Variants in NTRK3 observed in about 807,000 individuals in gnomAD.
NTRK3 encodes the protein neurotrophic receptor tyrosine kinase 3.
Under a neutral mutation model 91.7 loss-of-function variants are expected in NTRK3, and 24 were observed. That is an observed-to-expected ratio of 0.26 (90% CI 0.19 to 0.37). The LOEUF (loss-of-function observed/expected upper bound fraction) is 0.37, where lower values mean the gene tolerates loss of function less well. NTRK3 is among the 10% of genes least tolerant of loss of function. NTRK3 has a pLI of 1.00. For missense variants in NTRK3, 880 were observed against 1,068.9 expected (o/e 0.82, Z 2.46); for synonymous variants, 483 against 404.0 (o/e 1.20, Z -2.34).
chr15:88,076,298 C>G (rs535302232), intron 13 of NTRK3, among the ~76,000 whole-genome samples: 2 of 152,214 alleles, frequency 1.3e-5, no homozygotes, highest in East Asian at 3.9e-4. Flanking sequence ...CTGGAAAACC[C>G]ACTCCCATGA....
At chr15:87,977,826 C>G (rs575197067) in intron 14 of NTRK3, 1 of 232,508 alleles carries the variant, frequency 4.3e-6, no homozygotes, top group Non-Finnish European at 8.5e-6. Context: ...GATCCTGACA[C>G]GAAGAACCAC....
chr15:88,144,747 G>A (rs2042726833), intron 6 of NTRK3, among the ~76,000 whole-genome samples: 1 of 152,126 alleles, frequency 6.6e-6, no homozygotes, highest in South Asian at 2.1e-4. Flanking sequence ...CCAAGGATAA[G>A]ACAGAACCTC....
chr15:88,066,106 C>T (rs543378819), intron 13 of NTRK3, among the ~76,000 whole-genome samples: 2 of 152,204 alleles, frequency 1.3e-5, no homozygotes, highest in Non-Finnish European at 2.9e-5. Flanking sequence ...GGAGAGATAA[C>T]TGTAGCTTGG....
chr15:87,863,705 G>A (rs1245934297), exon 19 of NTRK3: 2 of 227,034 alleles, frequency 8.8e-6, no homozygotes, highest in Non-Finnish European at 1.7e-5. Context: ...ATGCACCATT[G>A]GGGTCTACAG....
exon 19 of NTRK3, chr15:87,868,030 A>T (rs570070886): frequency 4.3e-6 from 1 of 230,910 alleles, no homozygotes; most frequent in Admixed American, 5.6e-5. Flanking sequence ...AGGAAAGATG[A>T]GCTATAGATG....
intron 3 of NTRK3, among the ~76,000 whole-genome samples, chr15:88,194,774 G>A (rs2047682017): frequency 6.6e-6 from 1 of 152,150 alleles, no homozygotes; most frequent in Admixed American, 6.5e-5. Context: ...ACTCCACCAT[G>A]ACCAGCAGGA....
chr15:88,207,083 T>C (rs1025950633), intron 3 of NTRK3, among the ~76,000 whole-genome samples: 6 of 152,170 alleles, frequency 3.9e-5, no homozygotes, highest in South Asian at 4.1e-4. Flanking sequence ...CGCCCCGACA[T>C]TGTGGGTCCA....
intron 13 of NTRK3, among the ~76,000 whole-genome samples, chr15:88,105,919 A>G (rs752845509): frequency 6.6e-5 from 10 of 152,194 alleles, no homozygotes; most frequent in Non-Finnish European, 1.0e-4. Flanking sequence ...AGTTTAAGTG[A>G]CTCACCCAAA....
chr15:87,950,006 C>T (rs2070946531), intron 14 of NTRK3, among the ~76,000 whole-genome samples: 1 of 152,194 alleles, frequency 6.6e-6, no homozygotes, highest in South Asian at 2.1e-4. Flanking sequence ...CACATCCCAC[C>T]TCTCAATCTC....
chr15:88,112,453 A>G (rs1229869228), intron 13 of NTRK3, among the ~76,000 whole-genome samples: 1 of 152,108 alleles, frequency 6.6e-6, no homozygotes, highest in Non-Finnish European at 1.5e-5. Context: ...TTTGCCCTAG[A>G]GTCGGGATGT....
At chr15:87,952,243 AAGAAAGAAAG>A (rs112912724) in intron 14 of NTRK3, among the ~76,000 whole-genome samples, 3,547 of 151,866 alleles carry the variant, frequency 0.023, 127 homozygotes, top group African/African-American at 0.075. Flanking sequence ...AGAAAAGAAA[AAGAAAGAAAG>A]AGAAAGAAAA....
intron 14 of NTRK3, among the ~76,000 whole-genome samples, chr15:88,009,413 CA>C (rs1421383469): frequency 2.0e-5 from 3 of 152,156 alleles, no homozygotes; most frequent in Non-Finnish European, 4.4e-5. Context: ...AAGGGGAACA[CA>C]AGCTCTGGAA....
chr15:88,094,804 G>T (rs2049414310), intron 13 of NTRK3, among the ~76,000 whole-genome samples: 1 of 152,222 alleles, frequency 6.6e-6, no homozygotes, highest in African/African-American at 2.4e-5. Context: ...CCCAGGGAAT[G>T]ACTTAGACAG....
chr15:88,022,452 T>A (rs2077669407), intron 14 of NTRK3, among the ~76,000 whole-genome samples: 1 of 152,226 alleles, frequency 6.6e-6, no homozygotes, highest in African/African-American at 2.4e-5. Context: ...ACAGACTGGA[T>A]GCCTGAATCC....
At position 88,241,862 on chromosome 15, in the gene NTRK3, C is replaced by A. The variant is rs368792073; in HGVS notation, c.248+14044G>T. Among the ~76,000 whole-genome samples the A allele has an allele frequency of 6.6e-6, 1 of 152,148 alleles. No individual in the cohort carries two copies. Among genetic ancestry groups the A allele is most frequent in the South Asian group, 2.1e-4 (1 of 4,816 alleles). ...TGGCCCACCTCCCCTCTCCAGAGGT[C>A]GATTTCCAGGTGCAGGGAGAGGCCA... On this transcript the variant is annotated intron_variant, in intron 3 of 18. Coordinates refer to ENST00000394480, the Ensembl canonical transcript of NTRK3. This position sits in a 1 kb window ranked among gnomAD's most constrained non-coding sequence, Gnocchi z 4.3.
chr15:87,913,426 C>T (rs1361089930), intron 17 of NTRK3, among the ~76,000 whole-genome samples: 1 of 152,176 alleles, frequency 6.6e-6, no homozygotes, highest in East Asian at 1.9e-4. Context: ...CTCAGGATGA[C>T]ATGTGTCAGA....
At chr15:88,166,618 C>A (rs1371811047) in intron 5 of NTRK3, among the ~76,000 whole-genome samples, 1 of 152,204 alleles carries the variant, frequency 6.6e-6, no homozygotes, top group Admixed American at 6.5e-5. Context: ...ATGGTAGTAT[C>A]AGTTTCCCTC....
intron 17 of NTRK3, among the ~76,000 whole-genome samples, chr15:87,898,297 C>A (rs1338638510): frequency 6.6e-6 from 1 of 152,154 alleles, no homozygotes; most frequent in South Asian, 2.1e-4. Flanking sequence ...AATCTATTGC[C>A]GCACTCCAAG....
intron 14 of NTRK3, among the ~76,000 whole-genome samples, chr15:88,021,156 G>A (rs147223003): frequency 3.4e-4 from 52 of 152,350 alleles, no homozygotes; most frequent in African/African-American, 1.1e-3. Context: ...CATTTAAGTG[G>A]AGGGCACTTA....
Sources: gnomAD v4.1 joint callset for allele counts (sites outside exome capture counted in the v4.1 genomes callset) on GRCh38, gnomAD v4.1.1 for gene constraint, Gnocchi (gnomAD v3.1) non-coding constraint, MANE v1.5 for transcripts, NCBI Gene and HGNC (gene_info 2026-07-23, HGNC 2026-07-21) for gene names.